RPL34: variants seen among roughly 807,000 people sequenced by gnomAD.
RPL34 encodes ribosomal protein L34, also known as large ribosomal subunit protein eL34.
Under a neutral mutation model 16.3 loss-of-function variants are expected in RPL34, and 2 were observed. The ratio of observed to expected loss-of-function variants is 0.12; its 90% CI spans 0.05 to 0.39. The LOEUF is 0.39. Among genes scored for constraint, RPL34 ranks in the 10% least tolerant of loss-of-function variants. The pLI is 0.99. For missense variants in RPL34, 82 were observed against 148.8 expected (o/e 0.55, Z 2.33); for synonymous variants, 47 against 48.5 (o/e 0.97, Z 0.13).
chr4:108,630,381 T>A (rs1726135048), exon 6 of RPL34: 1 of 152,214 alleles, frequency 6.6e-6, no homozygotes, highest in African/African-American at 2.4e-5. Context: ...AGGGTTTGAT[T>A]TTATAAAATC....
chr4:108,623,856 T>A (rs1725885492), intron 4 of RPL34, among the ~76,000 whole-genome samples: 1 of 152,218 alleles, frequency 6.6e-6, no homozygotes, highest in Non-Finnish European at 1.5e-5. Context: ...AAAGCTTAAC[T>A]ATGATTGAAG....
downstream of RPL34, among the ~76,000 whole-genome samples, chr4:108,629,075 G>C (rs571534022): frequency 1.6e-3 from 241 of 152,280 alleles, no homozygotes; most frequent in Non-Finnish European, 2.3e-3. Context: ...GCCTCGGCCT[G>C]CTAAAGTGTT....
chr4:108,622,279 G>C, intron 3 of RPL34, 75 bp downstream of exon 3: 1 of 1,092,498 alleles, frequency 9.2e-7, no homozygotes, highest in East Asian at 2.4e-5. Flanking sequence ...ACGATGGAAT[G>C]AATCAAGGAG....
At chr4:108,623,608 A>G (rs531340433) in intron 4 of RPL34, among the ~76,000 whole-genome samples, 3 of 152,004 alleles carry the variant, frequency 2.0e-5, no homozygotes, top group Non-Finnish European at 4.4e-5. Context: ...ACAAGGTTTC[A>G]CTGTGTTAGC....
chr4:108,625,177 T>C lies in RPL34; in HGVS notation c.319T>C (p.Leu107=), dbSNP rs376875098. The C allele has an allele frequency of 6.2e-7, 1 of 1,611,062 alleles. No homozygotes were observed. The highest frequency in any genetic ancestry group is 8.5e-7 in the Non-Finnish European group (1 of 1,179,066). Residue 107 remains leucine, a synonymous_variant, in exon 5 of 5, where the codon TTG becomes CTG. Transcript: ENST00000394667. The part of the protein sequence containing the change: ...IEEQKIVVKV[L]KAQAQSQKAK The stretch of plus-strand genomic sequence containing the variant: ...GGAGCAGAAAATCGTTGTGAAAGTG[T>C]TGAAGGCACAAGCACAGAGTCAGAA...
chr4:108,621,478 C>T (rs1725769868), intron 1 of RPL34: 1 of 175,498 alleles, frequency 5.7e-6, no homozygotes, highest in African/African-American at 2.4e-5. Flanking sequence ...GACGGATAGC[C>T]CACGTCGTTT....
Position 108,620,615 on chromosome 4 carries a change from C to T in RPL34, c.-10+15C>T, listed in dbSNP as rs200746017. ...GTTGTCTGCAGGTATGGATGTTGTTCTCTTTTCCCTGTCTTTATTTCCTTA... is the reference window on the plus strand; with the variant it reads ...GTTGTCTGCAGGTATGGATGTTGTTTTCTTTTCCCTGTCTTTATTTCCTTA... On this transcript the variant is annotated intron_variant, in intron 1 of 4. Transcript: ENST00000394667. 8 of 290,976 alleles carry T rather than the reference C, an allele frequency of 2.7e-5. No individual in the cohort carries two copies. In the East Asian group the frequency reaches 5.4e-4, roughly 20 times the overall value. 18.0% of individuals were successfully genotyped at this position (290,976 alleles called of 1,614,324 possible).
At chr4:108,625,493 C>G (rs1169645223), downstream of RPL34, 4 of 264,992 alleles carry the variant, frequency 1.5e-5, no homozygotes, top group African/African-American at 2.2e-5. Context: ...TCAAGTGATT[C>G]TCCTGCCTCA....
intron 4 of RPL34, chr4:108,622,953 G>A (rs375751647): frequency 1.2e-4 from 23 of 195,130 alleles, no homozygotes; most frequent in African/African-American, 4.4e-4. Context: ...TCTCATGTGC[G>A]GAAGGTGTTA....
At chr4:108,622,466 GA>G (rs775977938) in intron 3 of RPL34, 48 bp from the exon 4 acceptor site, 5 of 1,441,632 alleles carry the variant, frequency 3.5e-6, no homozygotes, top group Admixed American at 1.7e-5. Flanking sequence ...AAAATTTAGG[GA>G]AATTTCTGTT....
downstream of RPL34, among the ~76,000 whole-genome samples, chr4:108,628,973 C>A (rs1726100013): frequency 6.6e-6 from 1 of 152,130 alleles, no homozygotes; most frequent in Non-Finnish European, 1.5e-5. Context: ...GCGCCTGCCA[C>A]CACATCTGGC....
rs1197924027 is a variant in RPL34, at chr4:108,622,566, C to G, written c.217C>G (p.His73Asp). 6.2e-7 allele frequency: 1 copy of G among 1,610,580 alleles called. No homozygotes were observed. Among genetic ancestry groups the G allele is most frequent in the East Asian group, 2.2e-5 (1 of 44,870 alleles). Reference sequence around the variant, plus strand: ...TATGAGATTGTCCAAAACAAAGAAACATGTCAGCAGGGCCTATGGTGGTTC... The same window carrying G: ...TATGAGATTGTCCAAAACAAAGAAAGATGTCAGCAGGGCCTATGGTGGTTC... ...VLMRLSKTKK[H>D]VSRAYGGSMC... Residue 73 changes from histidine (H) to aspartate (D), a missense_variant, in exon 4 of 5, where the codon CAT (histidine) becomes GAT (aspartate). His to Asp is a moderately conservative substitution (Grantham distance 81, BLOSUM62 -1). Coordinates refer to ENST00000394667, the MANE Select transcript of RPL34 (RefSeq NM_001319236.2).
chr4:108,621,873 T>C, intron 1 of RPL34, 78 bp from the exon 2 acceptor site: 2 of 941,662 alleles, frequency 2.1e-6, no homozygotes, highest in South Asian at 1.3e-5. Context: ...GTGAATGAAA[T>C]AGACCACATG....
chr4:108,624,909 C>T (rs760942767), intron 4 of RPL34, among the ~76,000 whole-genome samples: 1 of 152,142 alleles, frequency 6.6e-6, no homozygotes, highest in Admixed American at 6.5e-5. Flanking sequence ...TTTATCTTGA[C>T]TCAGAAGGAG....
At chr4:108,624,437 C>A (rs991445303) in intron 4 of RPL34, among the ~76,000 whole-genome samples, 7 of 152,120 alleles carry the variant, frequency 4.6e-5, no homozygotes, top group Non-Finnish European at 1.0e-4. Context: ...GGTGGTAACT[C>A]TGATTTAACA....
At chr4:108,620,928 C>T (rs569129805) in intron 1 of RPL34, 18 of 152,406 alleles carry the variant, frequency 1.2e-4, no homozygotes, top group African/African-American at 4.3e-4. Flanking sequence ...TTTACACCCA[C>T]GTTTTCACAG....
downstream of RPL34, among the ~76,000 whole-genome samples, chr4:108,626,944 G>A (rs1726024590): frequency 6.6e-6 from 1 of 152,080 alleles, no homozygotes; most frequent in Admixed American, 6.6e-5. Context: ...CTATACATAA[G>A]AACATGCTTT....
At chr4:108,625,998 G>A (rs755357851), downstream of RPL34, among the ~76,000 whole-genome samples, 1 of 152,110 alleles carries the variant, frequency 6.6e-6, no homozygotes, top group Non-Finnish European at 1.5e-5. Flanking sequence ...ATGGTATCTT[G>A]GAGAGCTCAG....
chr4:108,627,027 C>G (rs1280768742), downstream of RPL34, among the ~76,000 whole-genome samples: 7 of 152,040 alleles, frequency 4.6e-5, no homozygotes, highest in African/African-American at 9.7e-5. Context: ...ATCATGAGGT[C>G]AGGAGATCGA....
Sources: allele counts gnomAD v4.1 joint callset (sites outside exome capture counted in the v4.1 genomes callset), GRCh38; gene constraint gnomAD v4.1.1; transcripts MANE v1.5; gene names NCBI Gene and HGNC (gene_info 2026-07-23, HGNC 2026-07-21).